The following RBMS1 variants were observed in gnomAD, a reference collection of about 807,000 sequenced individuals.
RBMS1 encodes RNA-binding motif, single-stranded-interacting protein 1.
Under a neutral mutation model 62.3 loss-of-function variants are expected in RBMS1, and 17 were observed. The observed-to-expected ratio is 0.27, with a 90% CI of 0.19 to 0.41. The LOEUF is 0.41. RBMS1 is among the 10% of genes least tolerant of loss of function. The pLI is 1.00. For missense variants in RBMS1, 334 were observed against 504.5 expected (o/e 0.66, Z 3.24); for synonymous variants, 172 against 170.0 (o/e 1.01, Z -0.09).
In RBMS1 at chr2:160,302,203, CTTTT is replaced by C. The variant is rs767307018; in HGVS notation, c.560+1123_560+1126del. ...CTTTAGCTATAACTAGACTTTTAGACTTTTTTTTTTTTTTTAAAGACAGATCTGT... is the reference window on the plus strand; with the variant it reads ...CTTTAGCTATAACTAGACTTTTAGACTTTTTTTTTTTAAAGACAGATCTGT... On this transcript the variant is annotated intron_variant, in intron 5 of 13. Coordinates refer to ENST00000348849, the MANE Select transcript of RBMS1 (RefSeq NM_016836.4). Among the ~76,000 whole-genome samples the C allele has an allele frequency of 7.0e-5, 10 of 142,134 alleles. No individual in the cohort carries two copies. In the South Asian group the frequency reaches 2.3e-3, roughly 32 times the overall value. The allele number at this position is 142,134 out of a possible 152,430, so 93.2% of individuals were successfully genotyped here. A position where few individuals can be genotyped will look rare whatever the true frequency, so the allele number is the denominator to read the frequency against.
intron 1 of RBMS1, among the ~76,000 whole-genome samples, chr2:160,466,238 T>C (rs542900446): frequency 6.6e-6 from 1 of 152,300 alleles, no homozygotes; most frequent in South Asian, 2.1e-4. Flanking sequence ...ATCATGCCTA[T>C]AAAAACCAAA....
intron 1 of RBMS1, among the ~76,000 whole-genome samples, chr2:160,424,007 A>T (rs932606633): frequency 9.3e-5 from 14 of 150,808 alleles, no homozygotes; most frequent in Non-Finnish European, 1.5e-4. Context: ...AAGTTCAAGA[A>T]AAAAAGTGCC....
intron 1 of RBMS1, among the ~76,000 whole-genome samples, chr2:160,371,340 G>A (rs1325477068): frequency 1.3e-5 from 2 of 152,242 alleles, no homozygotes; most frequent in East Asian, 1.9e-4. Context: ...GCCTTGGAAC[G>A]TGAAAAGACC....
chr2:160,321,352 C>T (rs1690551129), intron 2 of RBMS1, among the ~76,000 whole-genome samples: 1 of 152,100 alleles, frequency 6.6e-6, no homozygotes, highest in African/African-American at 2.4e-5. Flanking sequence ...TCCTCTTCTC[C>T]CTCCTTAACT....
At chr2:160,455,788 A>G (rs905154996) in intron 1 of RBMS1, among the ~76,000 whole-genome samples, 14 of 144,596 alleles carry the variant, frequency 9.7e-5, no homozygotes, top group Non-Finnish European at 1.2e-4. Flanking sequence ...GGTTCACGCC[A>G]TTCTCCTGCC....
chr2:160,448,439 C>T (rs961173363), intron 1 of RBMS1, among the ~76,000 whole-genome samples: 9 of 152,330 alleles, frequency 5.9e-5, no homozygotes, highest in Admixed American at 1.3e-4. Flanking sequence ...GGATTGCAGG[C>T]GCGCGCAGCC....
At chr2:160,344,000 A>C (rs1692035953) in intron 2 of RBMS1, among the ~76,000 whole-genome samples, 1 of 152,176 alleles carries the variant, frequency 6.6e-6, no homozygotes. Flanking sequence ...TAACATCTTC[A>C]AAAGATATGA....
chr2:160,434,407 A>G (rs1278138982), intron 1 of RBMS1, among the ~76,000 whole-genome samples: 1 of 152,154 alleles, frequency 6.6e-6, no homozygotes, highest in Non-Finnish European at 1.5e-5. Flanking sequence ...AAAATAGGGC[A>G]TGAGTGTGAG....
At chr2:160,286,938 C>G in intron 7 of RBMS1, 31 bp downstream of exon 7, 1 of 1,608,666 alleles carries the variant, frequency 6.2e-7, no homozygotes, top group Non-Finnish European at 8.5e-7. Flanking sequence ...ACCCCCTCCC[C>G]CACCCCGCAA....
chr2:160,432,378 C>G (rs1370989015), intron 1 of RBMS1: 12 of 152,130 alleles, frequency 7.9e-5, no homozygotes, highest in Non-Finnish European at 1.2e-4. Context: ...ATTTTTCTGG[C>G]CCACTAGAAA....
At chr2:160,305,150 G>T (rs2105954959) in intron 4 of RBMS1, among the ~76,000 whole-genome samples, 1 of 152,288 alleles carries the variant, frequency 6.6e-6, no homozygotes, top group Admixed American at 6.5e-5. Flanking sequence ...ACTGTGCCTG[G>T]CCAGAAAGAA....
rs375524221 is a variant in RBMS1, at chr2:160,318,064, G to C, written c.310+105C>G. ...AGAAACTGGGTGATATATAAGATCT[G>C]GTTTTTAATAAAACGAAGGTGGTTT... On this transcript the variant is annotated intron_variant, in intron 3 of 13. Coordinates refer to ENST00000348849, the MANE Select transcript of RBMS1 (RefSeq NM_016836.4). 7.2e-5 allele frequency: 106 copies of C among 1,478,814 alleles called. No homozygotes were observed. In the African/African-American group the frequency reaches 1.3e-3, roughly 18 times the overall value. 91.6% of individuals were successfully genotyped at this position (1,478,814 alleles called of 1,614,324 possible).
intron 1 of RBMS1, among the ~76,000 whole-genome samples, chr2:160,427,347 G>A (rs1682681912): frequency 6.6e-6 from 1 of 152,016 alleles, no homozygotes; most frequent in African/African-American, 2.4e-5. Flanking sequence ...CTAATTTTAT[G>A]AGGCCAGGAA....
intron 2 of RBMS1, among the ~76,000 whole-genome samples, chr2:160,319,363 T>C (rs1035841290): frequency 1.3e-5 from 2 of 152,000 alleles, no homozygotes; most frequent in East Asian, 3.9e-4. Context: ...AATACAAAAA[T>C]TAGCTGGGTA....
At chr2:160,339,459 C>T (rs1057314500) in intron 2 of RBMS1, among the ~76,000 whole-genome samples, 2 of 152,240 alleles carry the variant, frequency 1.3e-5, no homozygotes, top group East Asian at 3.9e-4. Flanking sequence ...AAACAGATGT[C>T]AAAGCCATGG....
chr2:160,319,621 C>T (rs938450282), intron 2 of RBMS1, among the ~76,000 whole-genome samples: 1 of 152,212 alleles, frequency 6.6e-6, no homozygotes, highest in Non-Finnish European at 1.5e-5. Context: ...CTTTCCTAGA[C>T]ATTTACTTCA....
intron 1 of RBMS1, among the ~76,000 whole-genome samples, chr2:160,375,315 C>T (rs888947212): frequency 1.3e-5 from 2 of 152,164 alleles, no homozygotes; most frequent in Non-Finnish European, 2.9e-5. Context: ...TTTTCCTATG[C>T]CCCTTAGGCC....
intron 2 of RBMS1, among the ~76,000 whole-genome samples, chr2:160,325,719 G>A (rs553821841): frequency 2.6e-5 from 4 of 152,160 alleles, no homozygotes; most frequent in Non-Finnish European, 5.9e-5. Context: ...AAAAATAGTA[G>A]AAAGGGTCAT....
chr2:160,491,011 T>C (rs1685800174), intron 1 of RBMS1, among the ~76,000 whole-genome samples: 1 of 152,046 alleles, frequency 6.6e-6, no homozygotes, highest in Admixed American at 6.6e-5. Flanking sequence ...TTAGGTAGAT[T>C]AGGCAACACT....
Sources: allele counts gnomAD v4.1 joint callset (sites outside exome capture counted in the v4.1 genomes callset), GRCh38; gene constraint gnomAD v4.1.1; transcripts MANE v1.5; gene names NCBI Gene and HGNC (gene_info 2026-07-23, HGNC 2026-07-21).